PACRGL: variants seen among roughly 807,000 people sequenced by gnomAD.
PACRGL encodes PACRG-like protein.
A neutral mutation model predicts 34.5 loss-of-function variants in PACRGL; 38 were observed. The ratio of observed to expected loss-of-function variants is 1.10; its 90% CI spans 0.85 to 1.44. The LOEUF is 1.44. Among genes scored for constraint, PACRGL ranks in the 40% most tolerant of loss-of-function variants. PACRGL has a pLI of 0.00. For synonymous variants in PACRGL, 128 were observed against 100.1 expected (o/e 1.28, Z -1.66); for missense variants, 305 against 281.4 (o/e 1.08, Z -0.60).
upstream of PACRGL, among the ~76,000 whole-genome samples, chr4:20,699,861 A>G (rs1023687729): frequency 9.2e-5 from 14 of 152,160 alleles, no homozygotes; most frequent in African/African-American, 2.9e-4. Flanking sequence ...TTTTACTATT[A>G]AAAATAATGT....
chr4:20,742,090 C>CA (rs1209553348), intron 8 of PACRGL, among the ~76,000 whole-genome samples: 2 of 151,638 alleles, frequency 1.3e-5, no homozygotes, highest in Non-Finnish European at 2.9e-5. Context: ...GCCTGCCAAC[C>CA]AAAAAAAAGT....
At chr4:20,743,279 C>T (rs931374457) in intron 8 of PACRGL, among the ~76,000 whole-genome samples, 1 of 152,116 alleles carries the variant, frequency 6.6e-6, no homozygotes, top group Non-Finnish European at 1.5e-5. Flanking sequence ...CTTTAAAGTT[C>T]ATATGGAACC....
At chr4:20,725,615 T>G (rs1373070940) in intron 8 of PACRGL, among the ~76,000 whole-genome samples, 1 of 152,172 alleles carries the variant, frequency 6.6e-6, no homozygotes, top group Non-Finnish European at 1.5e-5. Flanking sequence ...TGTGACCATC[T>G]TAACATTGTA....
rs972463855 is a variant in PACRGL, at chr4:20,730,663, C to T, written c.*3322C>T. Among the ~76,000 whole-genome samples, 5 of 152,086 alleles carry T rather than the reference C, an allele frequency of 3.3e-5. No individual in the cohort carries two copies. Among genetic ancestry groups the T allele is most frequent in the Non-Finnish European group, 5.9e-5 (4 of 68,022 alleles). On this transcript the variant is annotated 3_prime_UTR_variant, in exon 9 of 9. Transcript: ENST00000503585. The stretch of plus-strand genomic sequence containing the variant: ...GCTAGTTATGGCTAAAGCTGCATGG[C>T]CTGAAGGAGCCTTTAAAAATGAATG...
At chr4:20,701,755 C>G (rs554371155) in intron 1 of PACRGL, 3 of 429,748 alleles carry the variant, frequency 7.0e-6, no homozygotes, top group East Asian at 7.2e-5. Flanking sequence ...TCCCTCCCCC[C>G]AGTCTCTTTC....
downstream of PACRGL, among the ~76,000 whole-genome samples, chr4:20,754,545 G>A (rs2149351058): frequency 6.6e-6 from 1 of 152,240 alleles, no homozygotes; most frequent in South Asian, 2.1e-4. Context: ...GAAACAATTT[G>A]TATGTATGAT....
intron 5 of PACRGL, among the ~76,000 whole-genome samples, chr4:20,712,492 G>A (rs896193284): frequency 2.6e-5 from 4 of 152,000 alleles, no homozygotes; most frequent in African/African-American, 9.7e-5. Flanking sequence ...ATTATTTAAA[G>A]TATATGGGAG....
intron 8 of PACRGL, among the ~76,000 whole-genome samples, chr4:20,738,755 G>A (rs1274584733): frequency 6.6e-6 from 1 of 152,046 alleles, no homozygotes; most frequent in Non-Finnish European, 1.5e-5. Flanking sequence ...GACAGTGGAT[G>A]CAGCCCACAG....
chr4:20,753,772 A>C (rs1394418809), downstream of PACRGL, among the ~76,000 whole-genome samples: 1 of 152,224 alleles, frequency 6.6e-6, no homozygotes, highest in Non-Finnish European at 1.5e-5. Context: ...CAAGAAGGAT[A>C]CTCAGTGGGT....
At chr4:20,764,936 G>C in the PACRGL span, among the ~76,000 whole-genome samples, 2 of 152,160 alleles carry the variant, frequency 1.3e-5, no homozygotes, top group Non-Finnish European at 2.9e-5. Context: ...TTCTTATGCA[G>C]ACCATTACTT....
At chr4:20,743,684 C>T (rs1751720756) in intron 8 of PACRGL, among the ~76,000 whole-genome samples, 1 of 152,148 alleles carries the variant, frequency 6.6e-6, no homozygotes, top group Non-Finnish European at 1.5e-5. Flanking sequence ...AAAACCTAGG[C>T]AATACCATTC....
chr4:20,760,970 T>G, the PACRGL span, among the ~76,000 whole-genome samples: 9 of 152,228 alleles, frequency 5.9e-5, no homozygotes, highest in Non-Finnish European at 8.8e-5. Context: ...TTGAGATTTA[T>G]TACATTGATG....
At position 20,731,320 on chromosome 4, in the gene PACRGL, C is replaced by T. The variant is rs963788845; in HGVS notation, c.*3979C>T. 7 of 872,406 alleles carry T rather than the reference C, an allele frequency of 8.0e-6. No homozygotes were observed. The highest frequency in any genetic ancestry group is 5.5e-5 in the African/African-American group (3 of 54,854). The allele number at this position is 872,406 out of a possible 1,614,324, so 54.0% of individuals were successfully genotyped here. The stretch of plus-strand genomic sequence containing the variant: ...AAATCCTGGCCTTAAGTTATCTTCC[C>T]GCCTCAGCCTCCCATAGTGCTGGGA... On this transcript the variant is annotated 3_prime_UTR_variant, in exon 9 of 9. Transcript: ENST00000503585.
chr4:20,733,404 A>C (rs1171062943), downstream of PACRGL, among the ~76,000 whole-genome samples: 2 of 152,216 alleles, frequency 1.3e-5, no homozygotes, highest in Admixed American at 6.5e-5. Flanking sequence ...TATGAGAGTA[A>C]AAATAATCTC....
intron 8 of PACRGL, among the ~76,000 whole-genome samples, chr4:20,745,641 G>A (rs13121188): frequency 0.2 from 30,486 of 152,090 alleles, 3,379 homozygotes; most frequent in East Asian, 0.41. Flanking sequence ...GGTCTGTACC[G>A]AATTCTGGTT....
rs1415915501 is a variant in PACRGL at position 20,749,154 on chromosome 4, TC to T, written c.*57-3410del. On this transcript the variant is annotated intron_variant, in intron 8 of 8. Transcript: ENST00000507634. ...GCCTTTATGACAGAGCGAGACTCTT[TC>T]AAAAAAAAAAAAAAAAATACGTTCT... Among the ~76,000 whole-genome samples the T allele has an allele frequency of 4.1e-4, 34 of 82,634 alleles. No individual in the cohort carries two copies. The South Asian group carries it at 5.1e-3, about 12-fold the overall frequency. 54.2% of individuals were successfully genotyped at this position (82,634 alleles called of 152,430 possible). A position where few individuals can be genotyped will look rare whatever the true frequency, so the allele number is the denominator to read the frequency against.
intron 4 of PACRGL, 43 bp downstream of exon 4, chr4:20,707,913 C>A: frequency 7.3e-7 from 1 of 1,373,594 alleles, no homozygotes; most frequent in South Asian, 1.2e-5. Flanking sequence ...TATTCAAAAT[C>A]ATTGAGTAAA....
At chr4:20,723,858 G>C (rs1290960102) in intron 7 of PACRGL, among the ~76,000 whole-genome samples, 1 of 152,044 alleles carries the variant, frequency 6.6e-6, no homozygotes, top group Non-Finnish European at 1.5e-5. Flanking sequence ...TTGTGTGAGG[G>C]TTAGTTCCTG....
rs184636040 is a variant in PACRGL at position 20,740,048 on chromosome 4, T to C, written c.*57-12517T>C. 8.7e-5 allele frequency among the ~76,000 whole-genome samples: 13 copies of C among 148,680 alleles called. No individual in the cohort carries two copies. The East Asian group carries it at 2.4e-3, about 27-fold the overall frequency. On this transcript the variant is annotated intron_variant, in intron 8 of 8. Coordinates refer to the PACRGL transcript ENST00000507634. ...GCGAGAAGAGAAGTATAGAGAAAAATGAGTTAAACAAAGCCTCCAGGAAAT... is the reference window on the plus strand; with the variant it reads ...GCGAGAAGAGAAGTATAGAGAAAAACGAGTTAAACAAAGCCTCCAGGAAAT...
Sources: allele counts gnomAD v4.1 joint callset (sites outside exome capture counted in the v4.1 genomes callset), GRCh38; gene constraint gnomAD v4.1.1; transcripts MANE v1.5; gene names NCBI Gene and HGNC (gene_info 2026-07-23, HGNC 2026-07-21).